Variants in RASAL2 observed in about 807,000 individuals in gnomAD.
RASAL2 encodes the protein RAS protein activator like 2, also known as ras GTPase-activating protein nGAP.
A neutral mutation model predicts 128.9 loss-of-function variants in RASAL2; 58 were observed. That is an observed-to-expected ratio of 0.45 (90% confidence interval 0.36 to 0.56). The LOEUF is 0.56. Among genes scored for constraint, RASAL2 ranks in the 20% least tolerant of loss-of-function variants. The probability of loss-of-function intolerance (pLI) is 0.00; values close to 1 mark genes in which losing one functional copy is unlikely to be tolerated. For missense variants in RASAL2, 1,360 were observed against 1,601.6 expected (o/e 0.85, Z 2.57); for synonymous variants, 561 against 580.8 (o/e 0.97, Z 0.49).
intron 4 of RASAL2, among the ~76,000 whole-genome samples, chr1:178,396,702 T>C (rs1355444285): frequency 1.3e-5 from 2 of 152,078 alleles, no homozygotes; most frequent in Non-Finnish European, 2.9e-5. Context: ...ACTGGATTTT[T>C]AAAATGCTTT....
chr1:178,432,996 A>G (rs1676020122), intron 5 of RASAL2, among the ~76,000 whole-genome samples: 1 of 152,058 alleles, frequency 6.6e-6, no homozygotes. Context: ...ATCTACTGGT[A>G]TTGTGATCAA....
Position 178,361,516 on chromosome 1 carries a change from A to G in RASAL2, c.458-28584A>G, listed in dbSNP as rs559872897. On this transcript the variant is annotated intron_variant, in intron 3 of 17. Transcript: ENST00000367649. The stretch of plus-strand genomic sequence containing the variant: ...TTTAATTGAACAGTTGGCCCTTCAT[A>G]TCTCTGGGTTCTGCATATGTGTGGA... Among the ~76,000 whole-genome samples, 3 of 152,138 alleles carry G rather than the reference A, an allele frequency of 2.0e-5. No individual in the cohort carries two copies. In the East Asian group the frequency reaches 5.8e-4, roughly 29 times the overall value.
chr1:178,129,723 C>T (rs1277631940), intron 1 of RASAL2, among the ~76,000 whole-genome samples: 2 of 151,378 alleles, frequency 1.3e-5, no homozygotes, highest in Non-Finnish European at 2.9e-5. Flanking sequence ...AAATTTAGAC[C>T]CGTGATCCAT....
chr1:178,266,279 G>C (rs1665948581), intron 1 of RASAL2, among the ~76,000 whole-genome samples: 1 of 152,194 alleles, frequency 6.6e-6, no homozygotes, highest in African/African-American at 2.4e-5. Context: ...TAGTGGGTAT[G>C]TAGTGCTATC....
At chr1:178,318,186 A>G (rs1229639401) in intron 3 of RASAL2, among the ~76,000 whole-genome samples, 1 of 151,516 alleles carries the variant, frequency 6.6e-6, no homozygotes, top group Non-Finnish European at 1.5e-5. Context: ...GTTCTTTTAC[A>G]TTTGCTGAGG....
chr1:178,455,740 G>A (rs1188674055), intron 12 of RASAL2, among the ~76,000 whole-genome samples: 1 of 152,128 alleles, frequency 6.6e-6, no homozygotes, highest in African/African-American at 2.4e-5. Context: ...GTTTGAGTAG[G>A]GTAGAAGAGT....
chr1:178,350,047 T>C lies in RASAL2; in HGVS notation c.458-40053T>C, dbSNP rs188131061. Among the ~76,000 whole-genome samples the C allele has an allele frequency of 4.3e-3, 651 of 152,356 alleles. 3 individuals carry two copies. Among genetic ancestry groups the C allele is most frequent in the Non-Finnish European group, 7.8e-3 (533 of 68,030 alleles). On this transcript the variant is annotated intron_variant, in intron 3 of 17. Coordinates refer to ENST00000367649, the MANE Select transcript of RASAL2 (RefSeq NM_170692.4). Reference sequence around the variant, plus strand: ...AACCATTAAAACACATGTGTTTAGTTTTATTTCTGGATTCTTCTAGAGCAA... The same window carrying C: ...AACCATTAAAACACATGTGTTTAGTCTTATTTCTGGATTCTTCTAGAGCAA...
At chr1:178,460,417 C>A (rs1237149319) in intron 14 of RASAL2, among the ~76,000 whole-genome samples, 3 of 151,956 alleles carry the variant, frequency 2.0e-5, no homozygotes, top group Non-Finnish European at 4.4e-5. Context: ...CATCTGGAAC[C>A]AGTTGTCATT....
intron 1 of RASAL2, among the ~76,000 whole-genome samples, chr1:178,100,202 A>G (rs1658839826): frequency 1.3e-5 from 2 of 151,834 alleles, no homozygotes; most frequent in Admixed American, 6.6e-5. Flanking sequence ...TTTTTCAGAT[A>G]ATAACATTTA....
chr1:178,197,112 A>G (rs1662682502), intron 1 of RASAL2, among the ~76,000 whole-genome samples: 1 of 152,154 alleles, frequency 6.6e-6, no homozygotes, highest in African/African-American at 2.4e-5. Flanking sequence ...TCAGGAGTTA[A>G]AGACCAGCCT....
intron 1 of RASAL2, among the ~76,000 whole-genome samples, chr1:178,118,284 G>A (rs1410203932): frequency 1.3e-5 from 2 of 152,086 alleles, no homozygotes; most frequent in African/African-American, 2.4e-5. Context: ...ATGGGGAGGA[G>A]GTGGGTGGGG....
intron 5 of RASAL2, among the ~76,000 whole-genome samples, chr1:178,435,431 T>C (rs1456198321): frequency 6.6e-6 from 1 of 152,106 alleles, no homozygotes; most frequent in Non-Finnish European, 1.5e-5. Context: ...TGGCTCCCCA[T>C]CTCCCAGCCC....
intron 1 of RASAL2, among the ~76,000 whole-genome samples, chr1:178,165,571 G>A (rs562234178): frequency 6.6e-6 from 1 of 152,214 alleles, no homozygotes; most frequent in South Asian, 2.1e-4. Flanking sequence ...GATGCTAAGG[G>A]ATGACTGTAC....
intron 3 of RASAL2, among the ~76,000 whole-genome samples, chr1:178,330,090 G>A (rs1427472752): frequency 1.3e-5 from 2 of 152,142 alleles, no homozygotes; most frequent in African/African-American, 2.4e-5. Context: ...GTAGGGGGAA[G>A]GATAAATATT....
intron 3 of RASAL2, among the ~76,000 whole-genome samples, chr1:178,380,840 C>T (rs1296656143): frequency 1.3e-5 from 2 of 152,086 alleles, no homozygotes; most frequent in Non-Finnish European, 2.9e-5. Flanking sequence ...CATTATGGAA[C>T]ACTAGTATCA....
chr1:178,371,464 T>C (rs1260826867), intron 3 of RASAL2, among the ~76,000 whole-genome samples: 2 of 152,192 alleles, frequency 1.3e-5, no homozygotes, highest in South Asian at 2.1e-4. Flanking sequence ...CGAATTCTTA[T>C]GAAGTGGACT....
intron 3 of RASAL2, among the ~76,000 whole-genome samples, chr1:178,362,671 T>A (rs529452300): frequency 1.6e-4 from 24 of 152,246 alleles, no homozygotes; most frequent in African/African-American, 5.5e-4. Context: ...AGTATTCTGC[T>A]CTTTGTTGCT....
At chr1:178,275,989 G>A (rs544194662) in intron 1 of RASAL2, among the ~76,000 whole-genome samples, 1 of 152,200 alleles carries the variant, frequency 6.6e-6, no homozygotes, top group Non-Finnish European at 1.5e-5. Flanking sequence ...TTATGGTAAT[G>A]TAAGGATTAA....
chr1:178,335,444 G>T (rs1445874046), intron 3 of RASAL2, among the ~76,000 whole-genome samples: 1 of 152,126 alleles, frequency 6.6e-6, no homozygotes, highest in Non-Finnish European at 1.5e-5. Flanking sequence ...ATTTTCTCTT[G>T]AATTTGATTT....
Sources: allele counts gnomAD v4.1 joint callset (sites outside exome capture counted in the v4.1 genomes callset), GRCh38; gene constraint gnomAD v4.1.1; transcripts MANE v1.5; gene names NCBI Gene and HGNC (gene_info 2026-07-23, HGNC 2026-07-21).